NCKAP5: variants seen among roughly 807,000 people sequenced by gnomAD.
The protein encoded by NCKAP5 is nck-associated protein 5.
A neutral mutation model predicts 167.0 loss-of-function variants in NCKAP5; 92 were observed. That is an observed-to-expected ratio of 0.55 (90% confidence interval 0.47 to 0.66). The LOEUF (loss-of-function observed/expected upper bound fraction) is 0.66, where lower values mean the gene tolerates loss of function less well. Ranked by LOEUF, NCKAP5 falls within the 30% of genes least tolerant of loss-of-function variation. The probability of loss-of-function intolerance (pLI) is 0.00; values close to 1 mark genes in which losing one functional copy is unlikely to be tolerated. For synonymous variants in NCKAP5, 891 were observed against 877.4 expected, an observed-to-expected ratio of 1.02 and a Z score of -0.27; for missense variants, 2,378 against 2,315.0, an observed-to-expected ratio of 1.03 and a Z score of -0.56.
At chr2:133,323,943 C>G (rs1682248650) in intron 3 of NCKAP5, among the ~76,000 whole-genome samples, 1 of 152,176 alleles carries the variant, frequency 6.6e-6, no homozygotes. Context: ...GGTGTTATGT[C>G]CCAAGAAATT....
chr2:132,987,077 T>C (rs770762799), intron 7 of NCKAP5, among the ~76,000 whole-genome samples: 5 of 152,324 alleles, frequency 3.3e-5, no homozygotes, highest in Non-Finnish European at 5.9e-5. Flanking sequence ...CTATATAAAC[T>C]GCATGCTTTT....
chr2:132,873,858 A>G (rs1691036005), intron 9 of NCKAP5, among the ~76,000 whole-genome samples: 1 of 152,192 alleles, frequency 6.6e-6, no homozygotes, highest in South Asian at 2.1e-4. Flanking sequence ...TTGGAAATTA[A>G]TTTCCTGCTG....
intron 4 of NCKAP5, among the ~76,000 whole-genome samples, chr2:133,274,365 T>C (rs72987609): frequency 0.026 from 4,022 of 152,148 alleles, 160 homozygotes; most frequent in African/African-American, 0.087. Flanking sequence ...GAGAACACTT[T>C]GTTGAAGGGC....
chr2:133,476,449 C>G (rs1420545567), intron 3 of NCKAP5, among the ~76,000 whole-genome samples: 1 of 152,170 alleles, frequency 6.6e-6, no homozygotes, highest in East Asian at 1.9e-4. Flanking sequence ...GAGGCCCATA[C>G]CAGTGTAATT....
intron 19 of NCKAP5, among the ~76,000 whole-genome samples, chr2:132,700,928 G>GA (rs1687810539): frequency 2.1e-5 from 2 of 96,684 alleles, no homozygotes; most frequent in African/African-American, 8.7e-5. Flanking sequence ...CAATCCCCTG[G>GA]GCGGGGGGGG....
chr2:133,261,546 A>C (rs1326819037), intron 4 of NCKAP5, among the ~76,000 whole-genome samples: 1 of 152,190 alleles, frequency 6.6e-6, no homozygotes, highest in East Asian at 1.9e-4. Context: ...CTATGATGCT[A>C]TTATTATTTC....
chr2:132,772,480 T>C (rs1682164162), intron 16 of NCKAP5, among the ~76,000 whole-genome samples: 1 of 152,192 alleles, frequency 6.6e-6, no homozygotes, highest in African/African-American at 2.4e-5. Context: ...AAAATTCAGC[T>C]TGTAACTTTA....
chr2:132,958,797 G>C (rs773514052), intron 8 of NCKAP5, among the ~76,000 whole-genome samples: 42 of 151,980 alleles, frequency 2.8e-4, no homozygotes, highest in Admixed American at 9.8e-4. Context: ...ACAAATGGCT[G>C]ATGTCAGAGG....
Position 133,487,387 on chromosome 2 carries a change from A to G in NCKAP5, c.69+30071T>C, listed in dbSNP as rs189393124. ...AATGATAGGGTGGTGTGAAAAGGGCACTGTAGTGGGAGCTGTAAAAGTCAA... is the reference window on the plus strand; with the variant it reads ...AATGATAGGGTGGTGTGAAAAGGGCGCTGTAGTGGGAGCTGTAAAAGTCAA... On this transcript the variant is annotated intron_variant, in intron 3 of 19. Coordinates refer to ENST00000409261, the MANE Select transcript of NCKAP5 (RefSeq NM_207363.3). Among the ~76,000 whole-genome samples the G allele has an allele frequency of 2.5e-3, 376 of 152,224 alleles. 3 individuals carry two copies. The highest frequency in any genetic ancestry group is 8.7e-3 in the African/African-American group (362 of 41,548).
intron 15 of NCKAP5, among the ~76,000 whole-genome samples, chr2:132,778,224 G>A (rs1682717161): frequency 6.6e-6 from 1 of 151,936 alleles, no homozygotes; most frequent in South Asian, 2.1e-4. Context: ...CATGGCCCTT[G>A]TCTAAATTAC....
intron 3 of NCKAP5, among the ~76,000 whole-genome samples, chr2:133,506,554 C>G (rs576971305): frequency 6.6e-6 from 1 of 152,254 alleles, no homozygotes; most frequent in Admixed American, 6.5e-5. Flanking sequence ...TGTTCACGTC[C>G]CGATCCCCTT....
At chr2:133,327,073 A>C (rs920028186) in intron 3 of NCKAP5, among the ~76,000 whole-genome samples, 1 of 152,214 alleles carries the variant, frequency 6.6e-6, no homozygotes, top group African/African-American at 2.4e-5. Context: ...TCTGGGCACA[A>C]CTTCAAACCC....
chr2:133,258,675 G>A (rs1008860349), intron 4 of NCKAP5, among the ~76,000 whole-genome samples: 8 of 151,920 alleles, frequency 5.3e-5, no homozygotes, highest in Non-Finnish European at 7.4e-5. Flanking sequence ...AGCCCAGGGA[G>A]GTTGAGGTTG....
chr2:133,109,875 T>C (rs969765029), intron 6 of NCKAP5, among the ~76,000 whole-genome samples: 1 of 152,192 alleles, frequency 6.6e-6, no homozygotes, highest in Admixed American at 6.5e-5. Flanking sequence ...ATTCAATTAT[T>C]GTACCAAGTA....
intron 11 of NCKAP5, among the ~76,000 whole-genome samples, chr2:132,839,263 G>A (rs1688119576): frequency 1.3e-5 from 2 of 151,878 alleles, no homozygotes; most frequent in Non-Finnish European, 2.9e-5. Flanking sequence ...TTTTATGTAT[G>A]GTCTCTCATA....
intron 5 of NCKAP5, among the ~76,000 whole-genome samples, chr2:133,157,712 G>T (rs181652836): frequency 4.2e-5 from 6 of 142,022 alleles, no homozygotes; most frequent in Non-Finnish European, 9.2e-5. Context: ...TTTGAGAAAC[G>T]CTGGGATAGT....
At chr2:133,640,883 G>A in the NCKAP5 span, among the ~76,000 whole-genome samples, 1 of 152,140 alleles carries the variant, frequency 6.6e-6, no homozygotes, top group Admixed American at 6.5e-5. Context: ...AGGCACTAGG[G>A]ATGTGAAGAC....
chr2:133,188,139 T>G (rs1329550504), intron 5 of NCKAP5, among the ~76,000 whole-genome samples: 1 of 152,022 alleles, frequency 6.6e-6, no homozygotes, highest in Non-Finnish European at 1.5e-5. Context: ...GTTTAGTGCT[T>G]CCTTCAGGAG....
chr2:132,700,481 C>A (rs1023908529), intron 19 of NCKAP5, among the ~76,000 whole-genome samples: 1 of 152,078 alleles, frequency 6.6e-6, no homozygotes, highest in African/African-American at 2.4e-5. Flanking sequence ...GTCTTTAATC[C>A]ACCTTGAATT....
Sources: gnomAD v4.1 joint callset for allele counts (sites outside exome capture counted in the v4.1 genomes callset) on GRCh38, gnomAD v4.1.1 for gene constraint, MANE v1.5 for transcripts, NCBI Gene and HGNC (gene_info 2026-07-23, HGNC 2026-07-21) for gene names.